The following ARHGAP15 variants were observed in gnomAD, a reference collection of about 807,000 sequenced individuals.
The protein encoded by ARHGAP15 is rho GTPase-activating protein 15.
Under a neutral mutation model 63.7 loss-of-function variants are expected in ARHGAP15, and 51 were observed. That is an observed-to-expected ratio of 0.80 (90% CI 0.64 to 1.01). The LOEUF is 1.01. Ranked by LOEUF, ARHGAP15 falls within the 50% of genes least tolerant of loss-of-function variation. ARHGAP15 has a pLI of 0.00. For synonymous variants in ARHGAP15, 191 were observed against 193.8 expected (o/e 0.99, Z 0.12); for missense variants, 560 against 564.6 (o/e 0.99, Z 0.08).
chr2:143,643,471 T>C (rs576051104), intron 12 of ARHGAP15, among the ~76,000 whole-genome samples: 63 of 131,332 alleles, frequency 4.8e-4, no homozygotes, highest in African/African-American at 1.7e-3. Flanking sequence ...ACTGAAAGTA[T>C]ACTTTAAAGA....
At position 143,322,370 on chromosome 2, in the gene ARHGAP15, A is replaced by T. The variant is rs575760458; in HGVS notation, c.474+71770A>T. Among the ~76,000 whole-genome samples, 9 of 152,334 alleles carry T rather than the reference A, an allele frequency of 5.9e-5. No individual in the cohort carries two copies. In the South Asian group the frequency reaches 1.0e-3, roughly 18 times the overall value. On this transcript the variant is annotated intron_variant, in intron 6 of 13. Transcript: ENST00000295095. ...TAAGGTGTTACTTTTATTCATAATTAAAAAGTTTAATCAGAGAGTGGGCTA... is the reference window on the plus strand; with the variant it reads ...TAAGGTGTTACTTTTATTCATAATTTAAAAGTTTAATCAGAGAGTGGGCTA...
At chr2:143,720,473 A>G (rs914976793) in intron 13 of ARHGAP15, among the ~76,000 whole-genome samples, 1 of 152,166 alleles carries the variant, frequency 6.6e-6, no homozygotes, top group Non-Finnish European at 1.5e-5. Context: ...CCATCAGAAG[A>G]GCCTAATGGC....
chr2:143,640,341 G>A (rs1209249455), intron 12 of ARHGAP15, among the ~76,000 whole-genome samples: 1 of 152,002 alleles, frequency 6.6e-6, no homozygotes, highest in East Asian at 1.9e-4. Context: ...TGGAAACAAT[G>A]CTTAATTCAA....
At chr2:143,538,369 A>T (rs1042294542) in intron 10 of ARHGAP15, among the ~76,000 whole-genome samples, 5 of 152,108 alleles carry the variant, frequency 3.3e-5, no homozygotes, top group African/African-American at 1.2e-4. Context: ...AATGCCCTTT[A>T]TTTCCTTCTC....
At chr2:143,555,721 C>T (rs1695759500) in intron 10 of ARHGAP15, among the ~76,000 whole-genome samples, 1 of 152,042 alleles carries the variant, frequency 6.6e-6, no homozygotes, top group African/African-American at 2.4e-5. Flanking sequence ...TTAAATTTTT[C>T]TCTCCATAAT....
At position 143,527,728 on chromosome 2, in the gene ARHGAP15, C is replaced by T. The variant is rs1287112300; in HGVS notation, c.925+8364C>T. On this transcript the variant is annotated intron_variant, in intron 10 of 13. Coordinates refer to ENST00000295095, the MANE Select transcript of ARHGAP15 (RefSeq NM_018460.4). The stretch of plus-strand genomic sequence containing the variant: ...CATGATGTGCTCCCTCGTGTATAAG[C>T]CAACTTCTCATATGGTACCTAACAC... Among the ~76,000 whole-genome samples the T allele has an allele frequency of 3.3e-5, 5 of 151,934 alleles. No individual in the cohort carries two copies. The South Asian group carries it at 8.3e-4, about 25-fold the overall frequency.
chr2:143,249,075 A>G (rs1679998762), intron 5 of ARHGAP15, among the ~76,000 whole-genome samples: 1 of 152,178 alleles, frequency 6.6e-6, no homozygotes, highest in Non-Finnish European at 1.5e-5. Context: ...TTGAAATCTA[A>G]AATAGTGATC....
At chr2:143,318,537 G>C (rs13003122) in intron 6 of ARHGAP15, among the ~76,000 whole-genome samples, 2 of 64,014 alleles carry the variant, frequency 3.1e-5, no homozygotes, top group Admixed American at 1.9e-4. Context: ...TTTTTTTTTC[G>C]AACAGTCAAT....
At chr2:143,619,405 A>G (rs1354051873) in intron 11 of ARHGAP15, among the ~76,000 whole-genome samples, 1 of 152,122 alleles carries the variant, frequency 6.6e-6, no homozygotes, top group Non-Finnish European at 1.5e-5. Flanking sequence ...TAAAATTCAC[A>G]TGGTATTTGC....
intron 6 of ARHGAP15, among the ~76,000 whole-genome samples, chr2:143,328,915 T>C (rs1433915674): frequency 6.6e-6 from 1 of 152,262 alleles, no homozygotes; most frequent in African/African-American, 2.4e-5. Context: ...TTGTTATGCA[T>C]TACATGCCTG....
At chr2:143,618,423 C>T (rs529585731) in intron 11 of ARHGAP15, among the ~76,000 whole-genome samples, 2 of 152,298 alleles carry the variant, frequency 1.3e-5, no homozygotes, top group South Asian at 4.1e-4. Flanking sequence ...AAATGGTCAT[C>T]TGTGCTGGAA....
intron 1 of ARHGAP15, 117 bp downstream of exon 1, chr2:143,129,583 G>A (rs906657605): frequency 3.3e-5 from 5 of 152,144 alleles, no homozygotes; most frequent in African/African-American, 9.7e-5. Context: ...TTTTACCTGT[G>A]ATTAAAACAT....
chr2:143,581,614 AGGGAG>A (rs1696910633), intron 11 of ARHGAP15, among the ~76,000 whole-genome samples: 1 of 152,178 alleles, frequency 6.6e-6, no homozygotes, highest in African/African-American at 2.4e-5. Context: ...AATAGCAAGT[AGGGAG>A]GGCTTGTTAC....
chr2:143,591,347 T>C (rs1024777877), intron 11 of ARHGAP15, among the ~76,000 whole-genome samples: 2 of 152,112 alleles, frequency 1.3e-5, no homozygotes, highest in Non-Finnish European at 2.9e-5. Flanking sequence ...TTCATTTCAT[T>C]TCTAGGCACA....
chr2:143,221,871 C>T (rs1289182723), intron 4 of ARHGAP15, among the ~76,000 whole-genome samples: 1 of 152,128 alleles, frequency 6.6e-6, no homozygotes, highest in Non-Finnish European at 1.5e-5. Flanking sequence ...TCTACTAGTG[C>T]CTGCTTTCAT....
chr2:143,719,105 G>C (rs1022071480), intron 13 of ARHGAP15, among the ~76,000 whole-genome samples: 1 of 152,204 alleles, frequency 6.6e-6, no homozygotes, highest in Admixed American at 6.5e-5. Flanking sequence ...ACCGCTGTAA[G>C]GGGTGGGCAA....
Position 143,457,932 on chromosome 2 carries a change from T to C in ARHGAP15, c.703+20890T>C, listed in dbSNP as rs533787590. Among the ~76,000 whole-genome samples the C allele has an allele frequency of 3.9e-5, 6 of 152,142 alleles. No individual in the cohort carries two copies. In the East Asian group the frequency reaches 5.8e-4, roughly 15 times the overall value. Reference sequence around the variant, plus strand: ...TAAAACAATTACATAAGAAATATTTTAGGTTAACTAAACATAACTAAAGAA... The same window carrying C: ...TAAAACAATTACATAAGAAATATTTCAGGTTAACTAAACATAACTAAAGAA... On this transcript the variant is annotated intron_variant, in intron 8 of 13. Transcript: ENST00000295095.
intron 12 of ARHGAP15, among the ~76,000 whole-genome samples, chr2:143,672,239 T>C (rs889815483): frequency 7.2e-5 from 11 of 152,086 alleles, no homozygotes; most frequent in African/African-American, 1.7e-4. Flanking sequence ...CACTGAGATA[T>C]AGTATTAGGC....
At chr2:143,285,585 T>C (rs1682053239) in intron 6 of ARHGAP15, among the ~76,000 whole-genome samples, 2 of 152,218 alleles carry the variant, frequency 1.3e-5, no homozygotes, top group Admixed American at 6.5e-5. Context: ...GAGTTGCCAT[T>C]GATCTGCACG....
Sources: allele counts gnomAD v4.1 joint callset (sites outside exome capture counted in the v4.1 genomes callset), GRCh38; gene constraint gnomAD v4.1.1; transcripts MANE v1.5; gene names NCBI Gene and HGNC (gene_info 2026-07-23, HGNC 2026-07-21).